MAPK10: variants seen among roughly 807,000 people sequenced by gnomAD.
MAPK10 encodes the protein JNK3 alpha protein kinase.
Under a neutral mutation model 59.3 loss-of-function variants are expected in MAPK10, and 25 were observed. The ratio of observed to expected loss-of-function variants is 0.42; its 90% CI spans 0.31 to 0.59. The LOEUF (loss-of-function observed/expected upper bound fraction) is 0.59, where lower values mean the gene tolerates loss of function less well. MAPK10 is among the 20% of genes least tolerant of loss of function. The probability of loss-of-function intolerance (pLI) is 0.15; values close to 1 mark genes in which losing one functional copy is unlikely to be tolerated. For synonymous variants in MAPK10, 190 were observed against 200.5 expected (o/e 0.95, Z 0.44); for missense variants, 351 against 568.9 (o/e 0.62, Z 3.90).
chr4:86,023,852 A>AT (rs1560633949), intron 13 of MAPK10: 9 of 98,486 alleles, frequency 9.1e-5, no homozygotes, highest in African/African-American at 4.8e-4. Context: ...TATATATATA[A>AT]AATGAATGTT....
intron 2 of MAPK10, among the ~76,000 whole-genome samples, chr4:86,221,234 T>A (rs1055264499): frequency 1.3e-5 from 2 of 152,118 alleles, no homozygotes; most frequent in Non-Finnish European, 2.9e-5. Flanking sequence ...TCCTGAGCAA[T>A]CACCTCAAGA....
intron 9 of MAPK10, chr4:86,080,685 A>G (rs1250356663): frequency 6.6e-6 from 1 of 152,032 alleles, no homozygotes; most frequent in Non-Finnish European, 1.5e-5. Context: ...ATGCAAAAAA[A>G]TCATAATATT....
intron 2 of MAPK10, among the ~76,000 whole-genome samples, chr4:86,334,502 C>T (rs1006704140): frequency 2.0e-5 from 3 of 152,130 alleles, no homozygotes; most frequent in Non-Finnish European, 4.4e-5. Flanking sequence ...CCACAGAGCT[C>T]TTCATAATGT....
At chr4:86,339,631 A>C (rs1363263401) in intron 2 of MAPK10, among the ~76,000 whole-genome samples, 2 of 152,216 alleles carry the variant, frequency 1.3e-5, no homozygotes, top group Non-Finnish European at 2.9e-5. Flanking sequence ...CCATTCTCTC[A>C]CTGTAGGACC....
At chr4:86,110,988 C>T (rs2057387101) in intron 4 of MAPK10, among the ~76,000 whole-genome samples, 1 of 152,078 alleles carries the variant, frequency 6.6e-6, no homozygotes, top group African/African-American at 2.4e-5. Flanking sequence ...CTCTTTGTAG[C>T]AATTGTGAAT....
intron 9 of MAPK10, among the ~76,000 whole-genome samples, chr4:86,075,892 C>T (rs6816545): frequency 0.039 from 5,960 of 152,250 alleles, 383 homozygotes; most frequent in African/African-American, 0.14. Context: ...CAGTGGCAGG[C>T]AGGCCTCCTT....
At chr4:86,135,103 TG>T (rs1349456998) in intron 4 of MAPK10, among the ~76,000 whole-genome samples, 1 of 152,092 alleles carries the variant, frequency 6.6e-6, no homozygotes, top group Non-Finnish European at 1.5e-5. Flanking sequence ...GCAGCGAGGC[TG>T]GGGGAGGGGC....
At chr4:86,021,359 C>A (rs1054097559) in intron 13 of MAPK10, among the ~76,000 whole-genome samples, 2 of 150,196 alleles carry the variant, frequency 1.3e-5, no homozygotes, top group African/African-American at 2.5e-5. Context: ...GGTATGTTTA[C>A]AATCCCTGAG....
rs1160229604 is a variant in MAPK10 at position 86,014,645 on chromosome 4, A to G, written c.*2583T>C. ...ATCTGGCTAAAGCTAACCAGCTCCCAAGAGCCATGCACAGAAGATGTAAGA... is the reference window on the plus strand; with the variant it reads ...ATCTGGCTAAAGCTAACCAGCTCCCGAGAGCCATGCACAGAAGATGTAAGA... On this transcript the variant is annotated 3_prime_UTR_variant, in exon 14 of 14. Coordinates refer to ENST00000641462, the MANE Select transcript of MAPK10 (RefSeq NM_138982.4). 1 of 152,204 alleles carries G rather than the reference A, an allele frequency of 6.6e-6. No individual in the cohort carries two copies. The highest frequency in any genetic ancestry group is 1.5e-5 in the Non-Finnish European group (1 of 68,046). The allele number at this position is 152,204 out of a possible 1,614,324, so 9.4% of individuals were successfully genotyped here.
chr4:86,351,396 A>AACACACACACAC (rs142964843), intron 2 of MAPK10, among the ~76,000 whole-genome samples: 7 of 132,454 alleles, frequency 5.3e-5, no homozygotes, highest in East Asian at 4.8e-4. Context: ...TGTATACACA[A>AACACACACACAC]ACACACACAC....
chr4:86,352,221 G>A (rs1170214169), intron 2 of MAPK10: 1 of 151,860 alleles, frequency 6.6e-6, no homozygotes, highest in Non-Finnish European at 1.5e-5. Context: ...GTAAATATCA[G>A]AAACTATGAG....
In MAPK10 at chr4:86,289,868, C is replaced by T. The variant is rs776126978; in HGVS notation, c.-7+64662G>A. 1.8e-4 allele frequency among the ~76,000 whole-genome samples: 27 copies of T among 152,048 alleles called. No individual in the cohort carries two copies. In the South Asian group the frequency reaches 2.1e-3, roughly 12 times the overall value. ...TGGGATGGAAGAGCAGAAAAGGGCT[C>T]GTGGAGCAATTCTAAGTTTTAGCTT... is the stretch of plus-strand genomic sequence containing the variant. On this transcript the variant is annotated intron_variant, in intron 2 of 13. Coordinates refer to ENST00000641462, the MANE Select transcript of MAPK10 (RefSeq NM_138982.4).
At chr4:86,246,383 A>G (rs538834662) in intron 2 of MAPK10, among the ~76,000 whole-genome samples, 106 of 152,282 alleles carry the variant, frequency 7.0e-4, no homozygotes, top group Non-Finnish European at 4.3e-4. Flanking sequence ...GTGAGCCAAG[A>G]TTGCGCCACT....
intron 4 of MAPK10, among the ~76,000 whole-genome samples, chr4:86,115,945 G>C (rs2058235754): frequency 6.6e-6 from 1 of 152,214 alleles, no homozygotes; most frequent in African/African-American, 2.4e-5. Context: ...TGGCAGCACA[G>C]ATAAAGAGCC....
intron 1 of MAPK10, among the ~76,000 whole-genome samples, chr4:86,433,555 C>CTTCTTTTTTTT (rs1424833074): frequency 4.1e-5 from 4 of 97,600 alleles, no homozygotes; most frequent in African/African-American, 1.2e-4. Flanking sequence ...GGGCCTTCTT[C>CTTCTTTTTTTT]TTTTTTTTTT....
intron 1 of MAPK10, among the ~76,000 whole-genome samples, chr4:86,584,058 C>G (rs750306254): frequency 2.0e-5 from 3 of 152,036 alleles, no homozygotes; most frequent in Non-Finnish European, 4.4e-5. Flanking sequence ...TGTGTGCATG[C>G]ATGGGTGTAT....
intron 1 of MAPK10, among the ~76,000 whole-genome samples, chr4:86,500,069 CCTAT>C (rs1190325950): frequency 2.0e-5 from 3 of 152,176 alleles, no homozygotes; most frequent in Non-Finnish European, 4.4e-5. Flanking sequence ...TTGCTGAATT[CCTAT>C]CTGTGTTACT....
intron 2 of MAPK10, among the ~76,000 whole-genome samples, chr4:86,230,569 C>T (rs1231774972): frequency 6.6e-6 from 1 of 152,134 alleles, no homozygotes; most frequent in African/African-American, 2.4e-5. Context: ...CTATATGACT[C>T]ATCAGCCTAA....
chr4:86,185,915 A>T (rs1317356354), intron 3 of MAPK10, among the ~76,000 whole-genome samples: 1 of 110,258 alleles, frequency 9.1e-6, no homozygotes, highest in Non-Finnish European at 2.0e-5. Context: ...CCTATTTGAC[A>T]TCTAAGTGGA....
Sources: allele counts gnomAD v4.1 joint callset (sites outside exome capture counted in the v4.1 genomes callset), GRCh38; gene constraint gnomAD v4.1.1; transcripts MANE v1.5; gene names NCBI Gene and HGNC (gene_info 2026-07-23, HGNC 2026-07-21).